Variants in RIMS4 observed in about 807,000 individuals in gnomAD.
RIMS4 encodes the protein regulating synaptic membrane exocytosis 4.
Under a neutral mutation model 29.0 loss-of-function variants are expected in RIMS4, and 9 were observed. The observed-to-expected ratio is 0.31, with a 90% CI of 0.19 to 0.54. The LOEUF (loss-of-function observed/expected upper bound fraction) is 0.54, where lower values mean the gene tolerates loss of function less well. Ranked by LOEUF, RIMS4 falls within the 20% of genes least tolerant of loss-of-function variation. RIMS4 has a pLI of 0.94. For synonymous variants in RIMS4, 130 were observed against 152.9 expected, an observed-to-expected ratio of 0.85 and a Z score of 1.10; for missense variants, 193 against 365.7, an observed-to-expected ratio of 0.53 and a Z score of 3.85.
chr20:44,790,715 G>A (rs1186483687), intron 1 of RIMS4, among the ~76,000 whole-genome samples: 14 of 152,148 alleles, frequency 9.2e-5, no homozygotes, highest in East Asian at 1.9e-4. Flanking sequence ...GAAAGCAGCC[G>A]CTGCAGGAAG....
At chr20:44,764,255 C>CATCCATCCATCCATCCATTTATCCATCCG (rs1325046131) in intron 2 of RIMS4, among the ~76,000 whole-genome samples, 158 of 144,334 alleles carry the variant, frequency 1.1e-3, no homozygotes, top group Non-Finnish European at 1.3e-3. Flanking sequence ...TCCATCCATC[C>CATCCATCCATCCATCCATTTATCCATCCG]TCCCACAAAC....
chr20:44,775,097 T>C (rs905702962), intron 1 of RIMS4, among the ~76,000 whole-genome samples: 1 of 152,106 alleles, frequency 6.6e-6, no homozygotes, highest in African/African-American at 2.4e-5. Flanking sequence ...CAGACATCTA[T>C]TGAACACCCT....
At chr20:44,780,595 T>C (rs954845212) in intron 1 of RIMS4, among the ~76,000 whole-genome samples, 1 of 152,226 alleles carries the variant, frequency 6.6e-6, no homozygotes, top group Non-Finnish European at 1.5e-5. Flanking sequence ...CATCATTTCA[T>C]GTAATCTTCA....
At chr20:44,800,467 C>T (rs1307206959) in intron 1 of RIMS4, among the ~76,000 whole-genome samples, 1 of 151,900 alleles carries the variant, frequency 6.6e-6, no homozygotes, top group East Asian at 1.9e-4. Context: ...ACACTTCCCC[C>T]GGATATTTTT....
chr20:44,791,239 G>A (rs1035371827), intron 1 of RIMS4, among the ~76,000 whole-genome samples: 1 of 152,248 alleles, frequency 6.6e-6, no homozygotes, highest in Non-Finnish European at 1.5e-5. Flanking sequence ...TCTACTTTTG[G>A]ATTATAGAAT....
chr20:44,786,448 T>G (rs2066208972), intron 1 of RIMS4, among the ~76,000 whole-genome samples: 1 of 152,220 alleles, frequency 6.6e-6, no homozygotes, highest in Admixed American at 6.5e-5. Flanking sequence ...CCTATCCTGC[T>G]GCACCCTGTA....
intron 2 of RIMS4, among the ~76,000 whole-genome samples, chr20:44,759,051 C>T (rs1029786514): frequency 2.6e-5 from 4 of 152,202 alleles, no homozygotes; most frequent in African/African-American, 9.7e-5. Context: ...ACTCCCTTCA[C>T]TTCTCTAAGT....
chr20:44,771,314 G>C lies in RIMS4; in HGVS notation c.197C>G (p.Ser66Cys). 1 of 1,613,906 alleles carries C rather than the reference G, an allele frequency of 6.2e-7. No homozygotes were observed. The highest frequency in any genetic ancestry group is 8.5e-7 in the Non-Finnish European group (1 of 1,179,834). Residue 66 changes from serine (S) to cysteine (C), a missense_variant, in exon 2 of 6, where the codon TCC (serine) becomes TGC (cysteine). Physicochemically the swap from Ser to Cys is moderately radical, Grantham distance 112. Coordinates refer to ENST00000372851, the MANE Select transcript of RIMS4 (RefSeq NM_182970.4). ...ATAGCTGTTCATGCTGTCCTCAATG[G>C]ACTCGTGGCTGGCCTGGCGCAGTGT... ...SRTLRQASHE[S>C]IEDSMNSYGS...
rs2145485635 is a variant in RIMS4, at chr20:44,810,395, C to A, written c.-124G>T. ...GCGGCGTGGTGGCGGCGGCCCGGGG[C>A]CGGGCCGAGGCTCCGCTGCGGGGCT... is the stretch of plus-strand genomic sequence containing the variant. On this transcript the variant is annotated 5_prime_UTR_variant, in exon 1 of 6. Transcript: ENST00000372851. 1 of 161,860 alleles carries A rather than the reference C, an allele frequency of 6.2e-6. No homozygotes were observed. Among genetic ancestry groups the A allele is most frequent in the South Asian group, 1.7e-4 (1 of 5,800 alleles). The allele number at this position is 161,860 out of a possible 1,614,324, so 10.0% of individuals were successfully genotyped here.
At chr20:44,803,681 AG>A (rs896071292) in intron 1 of RIMS4, among the ~76,000 whole-genome samples, 17 of 149,298 alleles carry the variant, frequency 1.1e-4, no homozygotes, top group African/African-American at 4.2e-4. Flanking sequence ...AAAAAAGGGG[AG>A]GGGGGATGGC....
chr20:44,781,030 T>C (rs950861948), intron 1 of RIMS4, among the ~76,000 whole-genome samples: 32 of 152,340 alleles, frequency 2.1e-4, no homozygotes, highest in Admixed American at 1.1e-3. Context: ...TATACATTTA[T>C]TGAGTTCATT....
At chr20:44,794,011 G>C (rs949890644) in intron 1 of RIMS4, among the ~76,000 whole-genome samples, 1 of 152,238 alleles carries the variant, frequency 6.6e-6, no homozygotes, top group African/African-American at 2.4e-5. Flanking sequence ...TGCGGCTTCA[G>C]TGGGCCATGA....
intron 1 of RIMS4, among the ~76,000 whole-genome samples, chr20:44,804,378 G>T (rs7264930): frequency 0.064 from 9,770 of 152,192 alleles, 1,017 homozygotes; most frequent in African/African-American, 0.22. Context: ...CCAAGCCCAG[G>T]TATCTTTCCA....
rs34062472 is a variant in RIMS4 at position 44,755,994 on chromosome 20, G to T, written c.*140C>A. 4.9e-5 allele frequency: 34 copies of T among 693,070 alleles called. No individual in the cohort carries two copies. Among genetic ancestry groups the T allele is most frequent in the Non-Finnish European group, 7.2e-5 (29 of 403,104 alleles). The allele number at this position is 693,070 out of a possible 1,614,324, so 42.9% of individuals were successfully genotyped here. On this transcript the variant is annotated 3_prime_UTR_variant, in exon 6 of 6. Coordinates refer to ENST00000372851, the MANE Select transcript of RIMS4 (RefSeq NM_182970.4). ...AGAAGGGGTGAGGAGGGGCCCAAGG[G>T]GGGGCAGGTCTCCCCGTTCTGCTTC...
chr20:44,775,852 C>T (rs1170255025), intron 1 of RIMS4, among the ~76,000 whole-genome samples: 3 of 152,220 alleles, frequency 2.0e-5, no homozygotes, highest in African/African-American at 7.2e-5. Context: ...CCAACCAGCA[C>T]ATTGGGAAGG....
intron 1 of RIMS4, among the ~76,000 whole-genome samples, chr20:44,789,198 C>G (rs2066222057): frequency 6.6e-6 from 1 of 152,044 alleles, no homozygotes; most frequent in South Asian, 2.1e-4. Context: ...TTTAAAATCT[C>G]TATATTTTTT....
chr20:44,784,698 C>T (rs1312512053), intron 1 of RIMS4, among the ~76,000 whole-genome samples: 1 of 152,210 alleles, frequency 6.6e-6, no homozygotes, highest in Non-Finnish European at 1.5e-5. Context: ...CAGCGCTATC[C>T]TTTATCTTGA....
chr20:44,759,779 A>G (rs1486579168), intron 2 of RIMS4, among the ~76,000 whole-genome samples: 1 of 152,246 alleles, frequency 6.6e-6, no homozygotes, highest in Non-Finnish European at 1.5e-5. Context: ...CCCTCAGGCA[A>G]AACCCATAAA....
intron 2 of RIMS4, among the ~76,000 whole-genome samples, chr20:44,760,589 C>A (rs1056979726): frequency 6.6e-6 from 1 of 152,182 alleles, no homozygotes; most frequent in African/African-American, 2.4e-5. Context: ...CACACTCTGT[C>A]CCCAGTGTCT....
Sources: allele counts gnomAD v4.1 joint callset (sites outside exome capture counted in the v4.1 genomes callset), GRCh38; gene constraint gnomAD v4.1.1; transcripts MANE v1.5; gene names NCBI Gene and HGNC (gene_info 2026-07-23, HGNC 2026-07-21).